The following EPSTI1 variants were observed in gnomAD, a reference collection of about 807,000 sequenced individuals.
EPSTI1 encodes epithelial-stromal interaction protein 1.
EPSTI1 carries 66 observed loss-of-function variants against 49.9 expected under a neutral mutation model. The ratio of observed to expected loss-of-function variants is 1.32; its 90% CI spans 1.08 to 1.62. The LOEUF (loss-of-function observed/expected upper bound fraction) is 1.62, where lower values mean the gene tolerates loss of function less well. Among genes scored for constraint, EPSTI1 ranks in the 40% most tolerant of loss-of-function variants. The probability of loss-of-function intolerance (pLI) is 0.00; values close to 1 mark genes in which losing one functional copy is unlikely to be tolerated. For synonymous variants in EPSTI1, 137 were observed against 130.7 expected, an observed-to-expected ratio of 1.05 and a Z score of -0.33; for missense variants, 394 against 365.5, an observed-to-expected ratio of 1.08 and a Z score of -0.64.
chr13:42,912,675 C>G (rs888893830), intron 8 of EPSTI1, among the ~76,000 whole-genome samples: 3 of 151,890 alleles, frequency 2.0e-5, no homozygotes, highest in Non-Finnish European at 4.4e-5. Context: ...AAGAATATTG[C>G]ACTTACAAAG....
chr13:42,933,392 C>A lies in EPSTI1; in HGVS notation c.564-6963G>T, dbSNP rs1378951580. ...TGACCACCTCTTGAGAACAGTACTT[C>A]CCACAACCCCCCGAAATGGAACTAT... On this transcript the variant is annotated intron_variant, in intron 6 of 10. Transcript: ENST00000313624. 2.0e-5 allele frequency among the ~76,000 whole-genome samples: 3 copies of A among 150,820 alleles called. No individual in the cohort carries two copies. In the South Asian group the frequency reaches 6.4e-4, roughly 32 times the overall value.
chr13:42,941,799 TAGTC>T (rs1433280191), intron 6 of EPSTI1, among the ~76,000 whole-genome samples: 4 of 151,782 alleles, frequency 2.6e-5, no homozygotes, highest in African/African-American at 9.7e-5. Flanking sequence ...TAGTAGATTT[TAGTC>T]AGTCTTCTTA....
intron 1 of EPSTI1, among the ~76,000 whole-genome samples, chr13:42,978,192 C>G (rs527496783): frequency 6.6e-6 from 1 of 151,458 alleles, no homozygotes; most frequent in Non-Finnish European, 1.5e-5. Flanking sequence ...AGGTTGAGGA[C>G]GCACCCATGA....
At chr13:42,897,014 C>T (rs1213949349) in intron 9 of EPSTI1, among the ~76,000 whole-genome samples, 4 of 151,302 alleles carry the variant, frequency 2.6e-5, no homozygotes, top group Non-Finnish European at 4.4e-5. Flanking sequence ...GCAGGAGAAT[C>T]GCTTGAACCT....
chr13:42,939,925 C>A (rs2038696260), intron 6 of EPSTI1, among the ~76,000 whole-genome samples: 1 of 152,232 alleles, frequency 6.6e-6, no homozygotes, highest in Non-Finnish European at 1.5e-5. Context: ...TTAAGCTGAG[C>A]CACCACCAAC....
At chr13:42,964,648 C>A (rs973477879) in intron 3 of EPSTI1, among the ~76,000 whole-genome samples, 4 of 152,150 alleles carry the variant, frequency 2.6e-5, no homozygotes, top group African/African-American at 9.7e-5. Context: ...TCTTTATAAC[C>A]CAGTTTCTAA....
chr13:42,918,856 C>T (rs1246473686), intron 7 of EPSTI1, among the ~76,000 whole-genome samples: 1 of 152,030 alleles, frequency 6.6e-6, no homozygotes, highest in Non-Finnish European at 1.5e-5. Flanking sequence ...TTCTTTTTAT[C>T]TCTGACAACC....
At chr13:42,980,433 G>A (rs533729304) in intron 1 of EPSTI1, among the ~76,000 whole-genome samples, 119 of 152,300 alleles carry the variant, frequency 7.8e-4, no homozygotes, top group African/African-American at 2.7e-3. Flanking sequence ...TGGCTGGGGA[G>A]GCCTCACAAT....
chr13:42,925,892 C>T (rs1007155829), intron 7 of EPSTI1, among the ~76,000 whole-genome samples: 1 of 152,172 alleles, frequency 6.6e-6, no homozygotes, highest in African/African-American at 2.4e-5. Context: ...ATGCTCTGTG[C>T]TCAGCAGTTT....
At chr13:42,930,153 C>A (rs2038315723) in intron 6 of EPSTI1, among the ~76,000 whole-genome samples, 1 of 152,196 alleles carries the variant, frequency 6.6e-6, no homozygotes, top group Non-Finnish European at 1.5e-5. Context: ...TCATGTTATA[C>A]AACACATTTG....
chr13:42,936,231 T>C (rs1003490553), intron 6 of EPSTI1, among the ~76,000 whole-genome samples: 20 of 152,202 alleles, frequency 1.3e-4, no homozygotes, highest in African/African-American at 4.6e-4. Flanking sequence ...TCTATCAGCA[T>C]ACAAACATGA....
intron 1 of EPSTI1, among the ~76,000 whole-genome samples, chr13:42,987,725 T>A (rs907972581): frequency 6.6e-6 from 1 of 152,228 alleles, no homozygotes; most frequent in South Asian, 2.1e-4. Flanking sequence ...TATTAATAAA[T>A]GTCTGTCCCA....
At chr13:42,932,071 T>C (rs894310430) in intron 6 of EPSTI1, among the ~76,000 whole-genome samples, 7 of 152,024 alleles carry the variant, frequency 4.6e-5, no homozygotes, top group African/African-American at 1.2e-4. Context: ...TCCCAAGTAG[T>C]TGGGACTACA....
chr13:42,981,336 C>G (rs543676791), intron 1 of EPSTI1, among the ~76,000 whole-genome samples: 1 of 152,114 alleles, frequency 6.6e-6, no homozygotes, highest in Middle Eastern at 3.2e-3. Context: ...AGTAAGTAAC[C>G]TTACTGTGTA....
chr13:42,908,149 A>G (rs2037551414), intron 8 of EPSTI1, among the ~76,000 whole-genome samples: 1 of 152,268 alleles, frequency 6.6e-6, no homozygotes, highest in Admixed American at 6.5e-5. Flanking sequence ...AATGGATTAA[A>G]GACTTTAAAT....
chr13:42,888,146 T>C lies in EPSTI1; in HGVS notation c.*348A>G. 7.3e-7 allele frequency: 1 copy of C among 1,363,260 alleles called. No individual in the cohort carries two copies. The highest frequency in any genetic ancestry group is 1.0e-6 in the Non-Finnish European group (1 of 998,014). 84.4% of individuals were successfully genotyped at this position (1,363,260 alleles called of 1,614,324 possible). A position where few individuals can be genotyped will look rare whatever the true frequency, so the allele number is the denominator to read the frequency against. ...TGAGAATTAGATAAGAATATGTCACTTAGAAAGACAAGCCTGTAGCACCCA... is the reference window on the plus strand; with the variant it reads ...TGAGAATTAGATAAGAATATGTCACCTAGAAAGACAAGCCTGTAGCACCCA... On this transcript the variant is annotated 3_prime_UTR_variant, in exon 11 of 11. Transcript: ENST00000313624.
rs1383969584 is a variant in EPSTI1, at chr13:42,939,498, AGTATT to A, written c.564-13074_564-13070del. Among the ~76,000 whole-genome samples the A allele has an allele frequency of 2.0e-5, 3 of 152,206 alleles. No homozygotes were observed. In the East Asian group the frequency reaches 5.8e-4, roughly 29 times the overall value. On this transcript the variant is annotated intron_variant, in intron 6 of 10. Transcript: ENST00000313624. ...TAGGGTTATTAATTGGCCTAATTTC[AGTATT>A]GTTGTGTCTCAGGTAATAGGAAAAT...
intron 7 of EPSTI1, chr13:42,919,371 T>G: frequency 6.3e-7 from 1 of 1,598,062 alleles, no homozygotes; most frequent in Non-Finnish European, 8.6e-7. Context: ...TTGATCACTA[T>G]TTTTCTTAGC....
At chr13:42,988,730 C>CAA (rs66847581) in intron 1 of EPSTI1, among the ~76,000 whole-genome samples, 14 of 105,714 alleles carry the variant, frequency 1.3e-4, no homozygotes, top group African/African-American at 5.1e-4. Context: ...GACTCTGTCT[C>CAA]AAAAAAAAAA....
Sources: gnomAD v4.1 joint callset for allele counts (sites outside exome capture counted in the v4.1 genomes callset) on GRCh38, gnomAD v4.1.1 for gene constraint, MANE v1.5 for transcripts, NCBI Gene and HGNC (gene_info 2026-07-23, HGNC 2026-07-21) for gene names.